The following NOM1 variants were observed in gnomAD, a reference collection of about 807,000 sequenced individuals.
NOM1 encodes nucleolar MIF4G domain-containing protein 1.
Under a neutral mutation model 73.3 loss-of-function variants are expected in NOM1, and 58 were observed. The ratio of observed to expected loss-of-function variants is 0.79; its 90% confidence interval spans 0.64 to 0.99. The LOEUF (loss-of-function observed/expected upper bound fraction) is 0.99, where lower values mean the gene tolerates loss of function less well. Among genes scored for constraint, NOM1 ranks in the 50% least tolerant of loss-of-function variants. NOM1 has a pLI of 0.00. For missense variants in NOM1, 1,226 were observed against 1,131.9 expected, an observed-to-expected ratio of 1.08 and a Z score of -1.19; for synonymous variants, 487 against 446.8, an observed-to-expected ratio of 1.09 and a Z score of -1.14.
At chr7:156,964,078 G>A in intron 7 of NOM1, 52 bp downstream of exon 7, 1 of 1,583,062 alleles carries the variant, frequency 6.3e-7, no homozygotes, top group Non-Finnish European at 8.6e-7. Context: ...TGTAAAATAA[G>A]TAAGTTGATT....
At chr7:156,964,951 G>A (rs1194131500) in intron 7 of NOM1, among the ~76,000 whole-genome samples, 1 of 152,236 alleles carries the variant, frequency 6.6e-6, no homozygotes, top group Non-Finnish European at 1.5e-5. Context: ...TTGACTTCAT[G>A]TGTTGAAAAT....
At chr7:156,956,966 T>G (rs184418030) in intron 3 of NOM1, among the ~76,000 whole-genome samples, 103 of 152,266 alleles carry the variant, frequency 6.8e-4, no homozygotes, top group Non-Finnish European at 1.2e-3. Context: ...ATAGGCAGTA[T>G]CTCAGTGAGT....
At position 156,960,181 on chromosome 7, in the gene NOM1, G is replaced by C. The variant is rs780265816; in HGVS notation, c.1632+7G>C. 6.2e-7 allele frequency: 1 copy of C among 1,603,062 alleles called. No homozygotes were observed. Among genetic ancestry groups the C allele is most frequent in the South Asian group, 1.1e-5 (1 of 89,368 alleles). On this transcript the variant is annotated splice_region_variant and intron_variant, in intron 4 of 10. Transcript: ENST00000275820. ...GTTTCAGGACCAGACCAGGGTACGC[G>C]TGCGACGCTTGATCTGCTTCCTAAG...
At chr7:156,961,682 C>CAG (rs2134787830) in intron 4 of NOM1, among the ~76,000 whole-genome samples, 1 of 152,240 alleles carries the variant, frequency 6.6e-6, no homozygotes, top group African/African-American at 2.4e-5. Flanking sequence ...GGGGACATCT[C>CAG]AGAGGGTATG....
chr7:156,969,450 C>T, intron 10 of NOM1, 79 bp from the exon 11 acceptor site: 1 of 1,216,674 alleles, frequency 8.2e-7, no homozygotes, highest in Non-Finnish European at 1.2e-6. Flanking sequence ...GGTTATGTCT[C>T]ACTATGCGAG....
At position 156,949,748 on chromosome 7, in the gene NOM1, C is replaced by T; in HGVS notation, c.11C>T (p.Ser4Phe). The T allele has an allele frequency of 7.2e-7, 1 of 1,385,258 alleles. No individual in the cohort carries two copies. Among genetic ancestry groups the T allele is most frequent in the Non-Finnish European group, 9.3e-7 (1 of 1,075,298 alleles). The allele number at this position is 1,385,258 out of a possible 1,614,324, so 85.8% of individuals were successfully genotyped here. Residue 4 changes from serine (S) to phenylalanine (F), a missense_variant, in exon 1 of 11, where the codon TCC becomes TTC. Coordinates refer to ENST00000275820, the MANE Select transcript of NOM1 (RefSeq NM_138400.2). ...CACGCGTTTCGAAAGATGGCGGCGT[C>T]CAGGAGCGCGGGAGAGGCCGGCCCG... is the stretch of plus-strand genomic sequence containing the variant. Reference protein sequence around the residue: MAASRSAGEAGPGG... With the variant: MAAFRSAGEAGPGG...
At chr7:156,959,223 C>T (rs992424945) in intron 3 of NOM1, among the ~76,000 whole-genome samples, 2 of 152,028 alleles carry the variant, frequency 1.3e-5, no homozygotes, top group Non-Finnish European at 2.9e-5. Flanking sequence ...TTGCCTCAGC[C>T]TCCCAAGCAG....
In NOM1 at chr7:156,969,778, C is replaced by T; in HGVS notation, c.*75C>T. On this transcript the variant is annotated 3_prime_UTR_variant, in exon 11 of 11. Transcript: ENST00000275820. ...GTAAACCCAAAGGCTTATTCTGTTG[C>T]CTGCGTGTGAATGTTTGGTAGAGCT... 1 of 1,395,092 alleles carries T rather than the reference C, an allele frequency of 7.2e-7. No homozygotes were observed. The highest frequency in any genetic ancestry group is 1.4e-5 in the South Asian group (1 of 71,314). The allele number at this position is 1,395,092 out of a possible 1,614,324, so 86.4% of individuals were successfully genotyped here. A position where few individuals can be genotyped will look rare whatever the true frequency, so the allele number is the denominator to read the frequency against.
At position 156,972,081 on chromosome 7, in the gene NOM1, C is replaced by T. The variant is rs1055690112; in HGVS notation, c.*2378C>T. On this transcript the variant is annotated 3_prime_UTR_variant, in exon 11 of 11. Coordinates refer to ENST00000275820, the MANE Select transcript of NOM1 (RefSeq NM_138400.2). ...GCTTGGGCTAAGGTATAAATCAACA[C>T]ACTGCTTCCTTCCTCCAGAAGGTCT... 2 of 152,256 alleles carry T rather than the reference C, an allele frequency of 1.3e-5. No homozygotes were observed. The highest frequency in any genetic ancestry group is 2.1e-4 in the South Asian group (1 of 4,836). The allele number at this position is 152,256 out of a possible 1,614,324, so 9.4% of individuals were successfully genotyped here.
Position 156,952,510 on chromosome 7 carries a change from CAT to C in NOM1, c.1025_1026del (p.His342ArgfsTer5), listed in dbSNP as rs766140568. 1.2e-6 allele frequency: 2 copies of C among 1,613,908 alleles called. No homozygotes were observed. Among genetic ancestry groups the C allele is most frequent in the Admixed American group, 3.3e-5 (2 of 59,998 alleles). On this transcript the variant is annotated frameshift_variant, in exon 2 of 11. Coordinates refer to ENST00000275820, the MANE Select transcript of NOM1 (RefSeq NM_138400.2). LOFTEE classifies it high-confidence loss of function. ...CGSGEKYIPP[H>X]VRQAEETVDF... ...AAGTGGTGAAAAGTACATCCCACCT[CAT>C]GTGAGGCAAGCTGAGGAGACAGTGG...
At chr7:156,960,840 T>C (rs1265159454) in intron 4 of NOM1, among the ~76,000 whole-genome samples, 1 of 152,076 alleles carries the variant, frequency 6.6e-6, no homozygotes, top group East Asian at 1.9e-4. Context: ...AGGAGGAGTT[T>C]TGCAGGAGCT....
At position 156,973,100 on chromosome 7, in the gene NOM1, G is replaced by GGT. The variant is rs1167393613; in HGVS notation, c.*3398_*3399dup. 4 of 108,798 alleles carry GGT rather than the reference G, an allele frequency of 3.7e-5. No individual in the cohort carries two copies. The highest frequency in any genetic ancestry group is 9.8e-5 in the Admixed American group (1 of 10,182). 6.7% of individuals were successfully genotyped at this position (108,798 alleles called of 1,614,324 possible). On this transcript the variant is annotated 3_prime_UTR_variant, in exon 11 of 11. Coordinates refer to ENST00000275820, the MANE Select transcript of NOM1 (RefSeq NM_138400.2). ...GAATGACTAAACAGCTGTCTTTCAG[G>GGT]GTATCATTTTTAAAGGTATAAGGAA...
chr7:156,967,291 G>A (rs928785530), intron 9 of NOM1, among the ~76,000 whole-genome samples, 199 bp downstream of exon 9: 4 of 152,160 alleles, frequency 2.6e-5, no homozygotes, highest in African/African-American at 9.7e-5. Context: ...TGAAGGCACC[G>A]CTGCAGTTCT....
At chr7:156,966,045 G>C (rs903225409) in intron 7 of NOM1, 1 of 570,402 alleles carries the variant, frequency 1.8e-6, no homozygotes, top group Non-Finnish European at 3.1e-6. Context: ...CCCCTAGATG[G>C]TCTTGTCTCC....
At chr7:156,969,326 G>C (rs1805082767) in intron 10 of NOM1, 130 bp downstream of exon 10, 1 of 718,240 alleles carries the variant, frequency 1.4e-6, no homozygotes, top group African/African-American at 1.8e-5. Flanking sequence ...TTTTAAGCTG[G>C]TATGCATTAG....
At chr7:156,955,167 A>G (rs775156201) in intron 3 of NOM1, among the ~76,000 whole-genome samples, 33 of 152,144 alleles carry the variant, frequency 2.2e-4, no homozygotes, top group Non-Finnish European at 3.7e-4. Context: ...TCCCTTTCGT[A>G]TTCTTCTTGC....
chr7:156,956,381 TCAA>T (rs1187884740), intron 3 of NOM1, among the ~76,000 whole-genome samples: 1 of 152,152 alleles, frequency 6.6e-6, no homozygotes, highest in African/African-American at 2.4e-5. Context: ...GTCGTTAAGG[TCAA>T]CGAGTTAGTT....
At chr7:156,951,075 C>T (rs1804580643) in intron 1 of NOM1, among the ~76,000 whole-genome samples, 1 of 152,094 alleles carries the variant, frequency 6.6e-6, no homozygotes, top group African/African-American at 2.4e-5. Context: ...CTGCCGTGCC[C>T]GACTTTTAGA....
chr7:156,952,694 G>A (rs1010829464), intron 2 of NOM1, 96 bp downstream of exon 2: 4 of 1,344,748 alleles, frequency 3.0e-6, no homozygotes, highest in Admixed American at 4.2e-5. Flanking sequence ...GAAGTGATGG[G>A]GACAGTCGAT....
Sources: allele counts gnomAD v4.1 joint callset (sites outside exome capture counted in the v4.1 genomes callset), GRCh38; gene constraint gnomAD v4.1.1; transcripts MANE v1.5; gene names NCBI Gene and HGNC (gene_info 2026-07-23, HGNC 2026-07-21).